Variants in MRPL12 observed in about 807,000 individuals in gnomAD.
MRPL12 encodes mitochondrial ribosomal protein L12.
Under a neutral mutation model 21.1 loss-of-function variants are expected in MRPL12, and 13 were observed. The ratio of observed to expected loss-of-function variants is 0.62; its 90% confidence interval spans 0.40 to 0.98. MRPL12 has a LOEUF of 0.98. MRPL12 is among the 50% of genes least tolerant of loss of function. The pLI, the probability that MRPL12 is intolerant of heterozygous loss-of-function variation, is 0.00. For synonymous variants in MRPL12, 126 were observed against 115.3 expected, an observed-to-expected ratio of 1.09 and a Z score of -0.60; for missense variants, 251 against 268.6, an observed-to-expected ratio of 0.93 and a Z score of 0.46.
At chr17:81,704,868 C>T in intron 3 of MRPL12, 152 bp downstream of exon 3, 5 of 654,778 alleles carry the variant, frequency 7.6e-6, no homozygotes, top group Non-Finnish European at 1.3e-5. Context: ...GGACCTACTC[C>T]CTGCCACGGA....
In MRPL12 at chr17:81,704,281, A is replaced by G. The variant is rs2037289345; in HGVS notation, c.112A>G (p.Arg38Gly). ...VPCVCAVRHMRSSGHQRCEAL... is the reference protein window; with the variant it reads ...VPCVCAVRHMGSSGHQRCEAL... ...ATGTGTCTGTGCCGTGCGACATATG[A>G]GGAGCAGCGGCCATCAGAGGTGTGA... Residue 38 changes from arginine (R) to glycine (G), a missense_variant, in exon 2 of 5, where the codon AGG becomes GGG. By Grantham distance (125) the Arg-to-Gly change is moderately radical (BLOSUM62 -2). Transcript: ENST00000333676. 1 of 1,612,530 alleles carries G rather than the reference A, an allele frequency of 6.2e-7. No homozygotes were observed. Among genetic ancestry groups the G allele is most frequent in the Admixed American group, 1.7e-5 (1 of 59,908 alleles).
chr17:81,703,462 C>A lies in MRPL12; in HGVS notation c.-40C>A. ...GCCGAGGCGGCTAGAGCGTCGCCTC[C>A]TCCCGGGGAACCGCGTGTGACCTTC... On this transcript the variant is annotated 5_prime_UTR_variant, in exon 1 of 5. Transcript: ENST00000333676. 6.8e-7 allele frequency: 1 copy of A among 1,479,612 alleles called. No homozygotes were observed. The highest frequency in any genetic ancestry group is 8.9e-7 in the Non-Finnish European group (1 of 1,119,516). 91.7% of individuals were successfully genotyped at this position (1,479,612 alleles called of 1,614,324 possible).
Position 81,707,284 on chromosome 17 carries a change from G to T in MRPL12, c.*44G>T. On this transcript the variant is annotated 3_prime_UTR_variant, in exon 5 of 5. Transcript: ENST00000333676. ...TGTGTTCAGGGGTCCTGGGCCCCGGGCGAGGTCCCGCCCTCCCGTGGTCAC... is the reference window on the plus strand; with the variant it reads ...TGTGTTCAGGGGTCCTGGGCCCCGGTCGAGGTCCCGCCCTCCCGTGGTCAC... 2 of 1,509,868 alleles carry T rather than the reference G, an allele frequency of 1.3e-6. No homozygotes were observed. Among genetic ancestry groups the T allele is most frequent in the Non-Finnish European group, 1.8e-6 (2 of 1,123,358 alleles). 93.5% of individuals were successfully genotyped at this position (1,509,868 alleles called of 1,614,324 possible).
At chr17:81,705,581 G>C (rs1193574930) in intron 3 of MRPL12, among the ~76,000 whole-genome samples, 1 of 152,142 alleles carries the variant, frequency 6.6e-6, no homozygotes, top group East Asian at 1.9e-4. Flanking sequence ...GGACGGGGAG[G>C]CACCAAGGTC....
At position 81,707,147 on chromosome 17, in the gene MRPL12, G is replaced by A. The variant is rs763792652; in HGVS notation, c.504G>A (p.Leu168=). The A allele has an allele frequency of 6.2e-7, 1 of 1,614,012 alleles. No individual in the cohort carries two copies. Among genetic ancestry groups the A allele is most frequent in the East Asian group, 2.2e-5 (1 of 44,888 alleles). The change falls in exon 5 of 5, where the codon CTG becomes CTA. Residue 168 remains leucine, a synonymous_variant. Transcript: ENST00000333676. ...AGGCAAAGAAGCTGGTGGAGTCCCT[G>A]CCCCAGGAAATCAAAGCCAATGTCG... ...LVQAKKLVES[L]PQEIKANVAK...
At chr17:81,705,939 T>C (rs902697840) in intron 3 of MRPL12, among the ~76,000 whole-genome samples, 1 of 152,218 alleles carries the variant, frequency 6.6e-6, no homozygotes, top group Non-Finnish European at 1.5e-5. Context: ...CTGGGATTAC[T>C]GTAGAGCCTG....
chr17:81,707,119 G>A lies in MRPL12; in HGVS notation c.481-5G>A, dbSNP rs1408182786. On this transcript the variant is annotated splice_region_variant and splice_polypyrimidine_tract_variant and intron_variant, in intron 4 of 4. Transcript: ENST00000333676. Reference sequence around the variant, plus strand: ...CCCAGTCCCTGACTTTGCTCTCTCTGGCAGGCAAAGAAGCTGGTGGAGTCC... The same window carrying A: ...CCCAGTCCCTGACTTTGCTCTCTCTAGCAGGCAAAGAAGCTGGTGGAGTCC... 1 of 1,613,936 alleles carries A rather than the reference G, an allele frequency of 6.2e-7. No homozygotes were observed. The highest frequency in any genetic ancestry group is 1.7e-5 in the Admixed American group (1 of 60,022).
At chr17:81,703,794 C>T (rs1390911744) in intron 1 of MRPL12, among the ~76,000 whole-genome samples, 1 of 152,226 alleles carries the variant, frequency 6.6e-6, no homozygotes, top group Non-Finnish European at 1.5e-5. Context: ...CCCAGATGAC[C>T]TTGGACGATT....
chr17:81,704,900 A>T (rs2037298575), intron 3 of MRPL12, among the ~76,000 whole-genome samples, 184 bp downstream of exon 3: 1 of 152,226 alleles, frequency 6.6e-6, no homozygotes. Flanking sequence ...TTGCATGTGG[A>T]GACCATGTTT....
In MRPL12 at chr17:81,707,051, CGGTGGGGGTTCCGA is replaced by C. The variant is rs767405437; in HGVS notation, c.480+14_480+27del. 6.2e-7 allele frequency: 1 copy of C among 1,614,052 alleles called. No homozygotes were observed. Among genetic ancestry groups the C allele is most frequent in the East Asian group, 2.2e-5 (1 of 44,890 alleles). ...ATCAACCTCGTCCAGGTCTGTGCCGCGGTGGGGGTTCCGAGGCAGGTTCCGTTGTGGTGGCCAGG... is the reference window on the plus strand; with the variant it reads ...ATCAACCTCGTCCAGGTCTGTGCCGCGGCAGGTTCCGTTGTGGTGGCCAGG... On this transcript the variant is annotated intron_variant, in intron 4 of 4. Coordinates refer to ENST00000333676, the MANE Select transcript of MRPL12 (RefSeq NM_002949.4).
Position 81,707,047 on chromosome 17 carries a change from G to A in MRPL12, c.480+7G>A. 2 of 1,614,092 alleles carry A rather than the reference G, an allele frequency of 1.2e-6. No homozygotes were observed. Among genetic ancestry groups the A allele is most frequent in the Middle Eastern group, 1.6e-4 (1 of 6,062 alleles). On this transcript the variant is annotated splice_region_variant and intron_variant, in intron 4 of 4. Transcript: ENST00000333676. ...AGGCATCAACCTCGTCCAGGTCTGT[G>A]CCGCGGTGGGGGTTCCGAGGCAGGT...
intron 3 of MRPL12, among the ~76,000 whole-genome samples, chr17:81,705,080 C>T (rs1417150327): frequency 7.4e-6 from 1 of 135,742 alleles, no homozygotes; most frequent in African/African-American, 2.7e-5. Context: ...ACTAAAAATA[C>T]AAAAAAAAAA....
At chr17:81,704,529 T>C (rs2037292668) in intron 2 of MRPL12, 99 bp downstream of exon 2, 2 of 1,578,468 alleles carry the variant, frequency 1.3e-6, no homozygotes, top group Admixed American at 3.4e-5. Context: ...TTGTCAAAAG[T>C]GTGTTTGTCC....
chr17:81,703,770 GC>G (rs1002161776), intron 1 of MRPL12, among the ~76,000 whole-genome samples, 195 bp downstream of exon 1: 2 of 152,230 alleles, frequency 1.3e-5, no homozygotes, highest in African/African-American at 4.8e-5. Flanking sequence ...GCCGTGGAAA[GC>G]GCCGGGGTCG....
intron 3 of MRPL12, 129 bp from the exon 4 acceptor site, chr17:81,706,777 A>C (rs2144517351): frequency 9.0e-7 from 1 of 1,116,130 alleles, no homozygotes. Flanking sequence ...GTGACTTCCA[A>C]CTCCAGGCTT....
intron 1 of MRPL12, 53 bp downstream of exon 1, chr17:81,703,628 G>A (rs1347986065): frequency 7.7e-7 from 1 of 1,301,020 alleles, no homozygotes; most frequent in Non-Finnish European, 9.8e-7. Flanking sequence ...GGGGGCAGCC[G>A]GGCACTGAGG....
At chr17:81,704,528 G>A in intron 2 of MRPL12, 98 bp downstream of exon 2, 2 of 1,579,946 alleles carry the variant, frequency 1.3e-6, no homozygotes, top group Admixed American at 1.7e-5. Context: ...ATTGTCAAAA[G>A]TGTGTTTGTC....
intron 3 of MRPL12, among the ~76,000 whole-genome samples, chr17:81,706,281 G>A (rs897973036): frequency 1.3e-5 from 2 of 152,122 alleles, no homozygotes; most frequent in Non-Finnish European, 2.9e-5. Flanking sequence ...TTATGAAACC[G>A]AGTCTCACTC....
Position 81,704,233 on chromosome 17 carries a change from G to A in MRPL12, c.75-11G>A, listed in dbSNP as rs760155973. ...ACTGACAAGTCTGTTTTAATTGGGG[G>A]TGGGGGCTAGGCGACAGGTGCCATG... On this transcript the variant is annotated splice_polypyrimidine_tract_variant and intron_variant, in intron 1 of 4. Coordinates refer to ENST00000333676, the MANE Select transcript of MRPL12 (RefSeq NM_002949.4). 3.8e-6 allele frequency: 6 copies of A among 1,598,566 alleles called. No homozygotes were observed. In the African/African-American group the frequency reaches 8.1e-5, roughly 21 times the overall value.
Sources: gnomAD v4.1 joint callset for allele counts (sites outside exome capture counted in the v4.1 genomes callset) on GRCh38, gnomAD v4.1.1 for gene constraint, MANE v1.5 for transcripts, NCBI Gene and HGNC (gene_info 2026-07-23, HGNC 2026-07-21) for gene names.